Variants in IQGAP1 observed in about 807,000 individuals in gnomAD.
IQGAP1 encodes IQ motif containing GTPase activating protein 1.
Under a neutral mutation model 215.6 loss-of-function variants are expected in IQGAP1, and 66 were observed. The ratio of observed to expected loss-of-function variants is 0.31; its 90% CI spans 0.25 to 0.38. The LOEUF (loss-of-function observed/expected upper bound fraction) is 0.38. Ranked by LOEUF, IQGAP1 falls within the 10% of genes least tolerant of loss-of-function variation. The pLI, the probability that IQGAP1 is intolerant of heterozygous loss-of-function variation, is 1.00. For synonymous variants in IQGAP1, 772 were observed against 728.7 expected (o/e 1.06, Z -0.96); for missense variants, 1,712 against 1,997.1 (o/e 0.86, Z 2.72).
intron 2 of IQGAP1, among the ~76,000 whole-genome samples, chr15:90,411,641 G>A (rs1964967598): frequency 6.6e-6 from 1 of 152,134 alleles, no homozygotes; most frequent in African/African-American, 2.4e-5. Context: ...TCACAGGTTA[G>A]TAATGATTAG....
chr15:90,485,941 C>A, intron 30 of IQGAP1, 89 bp from the exon 31 acceptor site: 1 of 943,622 alleles, frequency 1.1e-6, no homozygotes, highest in Middle Eastern at 2.5e-4. Flanking sequence ...TTGTTGGAAC[C>A]TCTTTGTGCA....
intron 2 of IQGAP1, among the ~76,000 whole-genome samples, chr15:90,393,034 T>G (rs2151693685): frequency 6.6e-6 from 1 of 152,092 alleles, no homozygotes; most frequent in South Asian, 2.1e-4. Context: ...CGTGAGCTGC[T>G]GTGCCTGGCC....
chr15:90,480,878 G>A lies in IQGAP1; in HGVS notation c.3330-1082G>A, dbSNP rs532902930. Among the ~76,000 whole-genome samples, 298 of 152,296 alleles carry A rather than the reference G, an allele frequency of 2.0e-3. 1 individual carries two copies. The highest frequency in any genetic ancestry group is 3.3e-3 in the Non-Finnish European group (224 of 68,022). ...AGATGGGGTTTCTCCATGTTGGCCA[G>A]GCTGGTCTCAAACTCCTGACCTCAG... On this transcript the variant is annotated intron_variant, in intron 26 of 37. Transcript: ENST00000268182.
chr15:90,436,688 A>G (rs1470955961), intron 5 of IQGAP1, among the ~76,000 whole-genome samples: 1 of 152,254 alleles, frequency 6.6e-6, no homozygotes, highest in Non-Finnish European at 1.5e-5. Context: ...ATGGGAGAGC[A>G]GGAGCAAAGA....
chr15:90,434,457 CATA>C (rs962890080), intron 5 of IQGAP1, among the ~76,000 whole-genome samples: 20 of 151,488 alleles, frequency 1.3e-4, no homozygotes, highest in South Asian at 1.0e-3. Context: ...TAATAATAAT[CATA>C]ATAATAATAA....
chr15:90,413,970 C>T (rs1289625266), intron 2 of IQGAP1, among the ~76,000 whole-genome samples: 2 of 152,166 alleles, frequency 1.3e-5, no homozygotes, highest in Admixed American at 1.3e-4. Flanking sequence ...CAGAACCTTG[C>T]TTTCTTTTGT....
At chr15:90,475,095 G>A (rs1888489600) in intron 23 of IQGAP1, among the ~76,000 whole-genome samples, 1 of 150,102 alleles carries the variant, frequency 6.7e-6, no homozygotes, top group Admixed American at 6.7e-5. Context: ...TGCCTCGCAG[G>A]TTCAGCGATT....
chr15:90,456,296 C>T lies in IQGAP1; in HGVS notation c.1757C>T (p.Ala586Val), dbSNP rs761198937. ...AQHYQDTLIRAKREKAQEIQD... is the reference protein window; with the variant it reads ...AQHYQDTLIRVKREKAQEIQD... Reference sequence around the variant, plus strand: ...CATTACCAAGACACGCTGATTAGAGCGAAGAGAGAGAAAGCCCAGGTGAGT... The same window carrying T: ...CATTACCAAGACACGCTGATTAGAGTGAAGAGAGAGAAAGCCCAGGTGAGT... The change falls in exon 15 of 38, where the codon GCG (alanine) becomes GTG (valine). Residue 586 changes from alanine (A) to valine (V), a missense_variant. Coordinates refer to ENST00000268182, the MANE Select transcript of IQGAP1 (RefSeq NM_003870.4). The T allele has an allele frequency of 5.0e-6, 8 of 1,613,760 alleles. No homozygotes were observed. In the Admixed American group the frequency reaches 8.3e-5, roughly 17 times the overall value.
intron 34 of IQGAP1, among the ~76,000 whole-genome samples, chr15:90,492,260 C>T (rs1966215485): frequency 6.6e-6 from 1 of 151,684 alleles, no homozygotes; most frequent in African/African-American, 2.4e-5. Flanking sequence ...GACCCCATCT[C>T]TACAAAAAAA....
chr15:90,444,860 G>C (rs1965504569), intron 9 of IQGAP1, among the ~76,000 whole-genome samples: 1 of 152,130 alleles, frequency 6.6e-6, no homozygotes, highest in South Asian at 2.1e-4. Flanking sequence ...AAAGGAATCT[G>C]GGCCAGGCAA....
intron 26 of IQGAP1, among the ~76,000 whole-genome samples, chr15:90,481,728 TA>T (rs1966062321): frequency 6.6e-6 from 1 of 152,216 alleles, no homozygotes; most frequent in Non-Finnish European, 1.5e-5. Flanking sequence ...ATGTCTTGTA[TA>T]ACTTTTATTC....
intron 13 of IQGAP1, among the ~76,000 whole-genome samples, chr15:90,453,699 C>T (rs1965640464): frequency 6.6e-6 from 1 of 152,086 alleles, no homozygotes; most frequent in African/African-American, 2.4e-5. Flanking sequence ...CTAGAATTGT[C>T]CCTTTCTTCA....
intron 18 of IQGAP1, among the ~76,000 whole-genome samples, chr15:90,468,481 T>C (rs1043783824): frequency 6.6e-6 from 1 of 152,224 alleles, no homozygotes; most frequent in Non-Finnish European, 1.5e-5. Flanking sequence ...TCCCCTGCCA[T>C]CTATATCTGT....
intron 2 of IQGAP1, among the ~76,000 whole-genome samples, chr15:90,409,556 T>G (rs373975351): frequency 3.2e-4 from 49 of 152,240 alleles, no homozygotes; most frequent in African/African-American, 1.1e-3. Context: ...TACATTTTTT[T>G]GTAGAAACGG....
intron 11 of IQGAP1, among the ~76,000 whole-genome samples, chr15:90,450,763 A>G (rs369791955): frequency 3.5e-5 from 5 of 144,686 alleles, no homozygotes; most frequent in African/African-American, 1.3e-4. Context: ...ATAAAAATCT[A>G]TTCAGCTTAT....
intron 5 of IQGAP1, 29 bp from the exon 6 acceptor site, chr15:90,439,303 C>T (rs765702973): frequency 4.4e-6 from 7 of 1,597,406 alleles, no homozygotes; most frequent in Non-Finnish European, 6.0e-6. Flanking sequence ...AGCTGGGAGG[C>T]CTAACCTTTT....
chr15:90,403,301 A>G (rs115877941), intron 2 of IQGAP1, among the ~76,000 whole-genome samples: 2,268 of 152,316 alleles, frequency 0.015, 47 homozygotes, highest in African/African-American at 0.052. Flanking sequence ...ATACCTTTTC[A>G]TAATTGATAG....
chr15:90,410,794 G>A (rs1964951385), intron 2 of IQGAP1, among the ~76,000 whole-genome samples: 1 of 148,788 alleles, frequency 6.7e-6, no homozygotes, highest in Non-Finnish European at 1.5e-5. Flanking sequence ...GTATACATAT[G>A]TAACAAACCT....
intron 22 of IQGAP1, 130 bp downstream of exon 22, chr15:90,474,263 A>C: frequency 1.1e-6 from 1 of 869,874 alleles, no homozygotes. Context: ...CTGTGACATA[A>C]GCCCCTTTGC....
Sources: gnomAD v4.1 joint callset for allele counts (sites outside exome capture counted in the v4.1 genomes callset) on GRCh38, gnomAD v4.1.1 for gene constraint, MANE v1.5 for transcripts, NCBI Gene and HGNC (gene_info 2026-07-23, HGNC 2026-07-21) for gene names.